CLPB: variants seen among roughly 807,000 people sequenced by gnomAD.
The protein encoded by CLPB is mitochondrial disaggregase.
CLPB carries 40 observed loss-of-function variants against 78.4 expected under a neutral mutation model. That is an observed-to-expected ratio of 0.51 (90% confidence interval 0.40 to 0.66). The LOEUF is 0.66. Among genes scored for constraint, CLPB ranks in the 30% least tolerant of loss-of-function variants. The pLI, the probability that CLPB is intolerant of heterozygous loss-of-function variation, is 0.00. For missense variants in CLPB, 780 were observed against 886.9 expected (o/e 0.88, Z 1.53); for synonymous variants, 333 against 348.0 (o/e 0.96, Z 0.48).
At chr11:72,433,936 A>C in intron 1 of CLPB, 136 bp downstream of exon 1, 1 of 1,090,290 alleles carries the variant, frequency 9.2e-7, no homozygotes, top group Non-Finnish European at 1.3e-6. Flanking sequence ...TGCCCCTGTA[A>C]CCAGATGATG....
At chr11:72,423,842 G>T (rs1056987298) in intron 2 of CLPB, among the ~76,000 whole-genome samples, 1 of 152,152 alleles carries the variant, frequency 6.6e-6, no homozygotes, top group African/African-American at 2.4e-5. Flanking sequence ...GCTTTCTAGG[G>T]TCCAGCCTTA....
At chr11:72,314,811 C>T (rs565439338) in intron 7 of CLPB, among the ~76,000 whole-genome samples, 2 of 151,950 alleles carry the variant, frequency 1.3e-5, no homozygotes, top group East Asian at 1.9e-4. Flanking sequence ...GGCAGGAAAT[C>T]GACAGAGTAT....
Position 72,406,748 on chromosome 11 carries a change from C to T in CLPB, c.456-3696G>A, listed in dbSNP as rs557157446. Among the ~76,000 whole-genome samples the T allele has an allele frequency of 2.0e-5, 3 of 152,320 alleles. No homozygotes were observed. In the South Asian group the frequency reaches 6.2e-4, roughly 32 times the overall value. Reference sequence around the variant, plus strand: ...TTCATTCATTCAGCAAACATGTGCACACACCCACTCTGTGCCCAGCCTCTT... The same window carrying T: ...TTCATTCATTCAGCAAACATGTGCATACACCCACTCTGTGCCCAGCCTCTT... On this transcript the variant is annotated intron_variant, in intron 2 of 15. Coordinates refer to ENST00000538039, the MANE Select transcript of CLPB (RefSeq NM_001258392.3).
intron 5 of CLPB, among the ~76,000 whole-genome samples, chr11:72,335,201 G>A (rs1398900949): frequency 2.6e-5 from 4 of 152,162 alleles, no homozygotes; most frequent in African/African-American, 7.2e-5. Context: ...CATCACCCAG[G>A]GCAAGGTAAA....
chr11:72,295,603 C>A lies in CLPB; in HGVS notation c.1375G>T (p.Ala459Ser). ...ACATTGGAGGTCATGATGAAGATGG[C>A]GTCCTTGCAATCAATGGTCTTCCCT... ...GKGKTIDCKDAIFIMTSNVAS... is the reference protein window; with the variant it reads ...GKGKTIDCKDSIFIMTSNVAS... The change falls in exon 12 of 16, where the codon GCC becomes TCC. Residue 459 changes from alanine to serine, a missense_variant. This residue lies in a region of CLPB where 272 missense variants were observed against 304.0 expected (regional missense o/e 0.89). Coordinates refer to ENST00000538039, the MANE Select transcript of CLPB (RefSeq NM_001258392.3). 3.1e-6 allele frequency: 5 copies of A among 1,614,070 alleles called. No homozygotes were observed. Among genetic ancestry groups the A allele is most frequent in the East Asian group, 2.2e-5 (1 of 44,880 alleles).
chr11:72,336,430 G>A (rs1033843928), intron 5 of CLPB, among the ~76,000 whole-genome samples: 8 of 152,212 alleles, frequency 5.3e-5, no homozygotes, highest in Non-Finnish European at 8.8e-5. Context: ...GTGAGGGGCC[G>A]CCTCTCCCAG....
intron 4 of CLPB, among the ~76,000 whole-genome samples, chr11:72,379,282 T>TA (rs911866689): frequency 1.2e-4 from 18 of 152,142 alleles, no homozygotes; most frequent in African/African-American, 4.3e-4. Context: ...GCATCACTGC[T>TA]AACACTAAAG....
intron 5 of CLPB, chr11:72,337,232 C>T (rs1950338631): frequency 2.5e-6 from 1 of 398,046 alleles, no homozygotes; most frequent in Non-Finnish European, 4.4e-6. Flanking sequence ...CTATAAACCA[C>T]ACCACTGAGC....
intron 9 of CLPB, 121 bp downstream of exon 9, chr11:72,307,078 C>T: frequency 4.6e-6 from 4 of 863,080 alleles, no homozygotes; most frequent in Non-Finnish European, 5.5e-6. Flanking sequence ...GGTCTGCTTC[C>T]TGGGTCAGGG....
At chr11:72,398,736 C>T (rs888868775) in intron 3 of CLPB, among the ~76,000 whole-genome samples, 44 of 152,214 alleles carry the variant, frequency 2.9e-4, no homozygotes, top group African/African-American at 1.1e-3. Flanking sequence ...TGCCTTGTGG[C>T]ATGAGGCTTA....
rs781129096 is a variant in CLPB at position 72,434,246 on chromosome 11, GTCC to G, written c.226_228del (p.Gly76del). On this transcript the variant is annotated inframe_deletion, in exon 1 of 16. Coordinates refer to ENST00000538039, the MANE Select transcript of CLPB (RefSeq NM_001258392.3). Reference sequence around the variant, plus strand: ...GCCGCGAGGCATTTGGTATCGAAGCGTCCTCCCTGGCGCCCCCCGGTGGCTGCC... The same window carrying G: ...GCCGCGAGGCATTTGGTATCGAAGCGTCCCTGGCGCCCCCCGGTGGCTGCC... 1.5e-5 allele frequency: 24 copies of G among 1,613,326 alleles called. 1 individual carries two copies. In the South Asian group the frequency reaches 2.5e-4, roughly 17 times the overall value.
At chr11:72,351,849 GC>G (rs1274185533) in intron 5 of CLPB, among the ~76,000 whole-genome samples, 1 of 152,082 alleles carries the variant, frequency 6.6e-6, no homozygotes, top group Non-Finnish European at 1.5e-5. Context: ...GGGATTACAG[GC>G]AAGAGCCACC....
At chr11:72,376,559 T>C (rs61893855) in intron 4 of CLPB, among the ~76,000 whole-genome samples, 5 of 148,310 alleles carry the variant, frequency 3.4e-5, no homozygotes, top group Admixed American at 6.7e-5. Flanking sequence ...TCTAGAATTA[T>C]TTAAAAAAAA....
chr11:72,419,043 G>T (rs116353110), intron 2 of CLPB, among the ~76,000 whole-genome samples: 2,291 of 152,162 alleles, frequency 0.015, 49 homozygotes, highest in African/African-American at 0.053. Flanking sequence ...ATTTTCTGAG[G>T]TTTTTTCAAA....
chr11:72,320,485 C>T (rs1950025154), intron 6 of CLPB, among the ~76,000 whole-genome samples: 2 of 152,084 alleles, frequency 1.3e-5, no homozygotes, highest in African/African-American at 4.8e-5. Flanking sequence ...AGATTCAAAC[C>T]ATGGCCTAAA....
Position 72,434,176 on chromosome 11 carries a change from C to T in CLPB, c.299G>A (p.Gly100Glu). Residue 100 changes from glycine to glutamate, a missense_variant, in exon 1 of 16, where the codon GGA (glycine) becomes GAA (glutamate). By Grantham distance (98) the Gly-to-Glu change is moderately conservative. This residue lies in a region of CLPB where 417 missense variants were observed against 414.7 expected (regional missense o/e 1.01). Transcript: ENST00000538039. ...RLPGPEETLP[G>E]QDSWNGVPSR... ...GGGGACCCCGTTCCAGCTGTCCTGT[C>T]CTGGGAGTGTTTCTTCGGGACCAGG... is the stretch of plus-strand genomic sequence containing the variant. The T allele has an allele frequency of 1.2e-6, 2 of 1,613,292 alleles. No individual in the cohort carries two copies. Among genetic ancestry groups the T allele is most frequent in the South Asian group, 1.1e-5 (1 of 91,080 alleles).
At chr11:72,394,814 A>T (rs536508696) in intron 3 of CLPB, among the ~76,000 whole-genome samples, 2 of 152,252 alleles carry the variant, frequency 1.3e-5, no homozygotes, top group East Asian at 3.9e-4. Flanking sequence ...CATTCTGGGC[A>T]CTTGGCCAGC....
At chr11:72,300,225 A>AGGAAAC (rs1949630670) in intron 11 of CLPB, among the ~76,000 whole-genome samples, 1 of 152,160 alleles carries the variant, frequency 6.6e-6, no homozygotes, top group Non-Finnish European at 1.5e-5. Flanking sequence ...ACATCTGTTC[A>AGGAAAC]ATGGAGGCCG....
In CLPB at chr11:72,434,509, C is replaced by T. The variant is rs756213265; in HGVS notation, c.-35G>A. On this transcript the variant is annotated 5_prime_UTR_variant, in exon 1 of 16. Transcript: ENST00000538039. Reference sequence around the variant, plus strand: ...TGCTTCGATAACCCCGTGGTGCCGGCCCCTGTGCTGACCACGTCCAACATG... The same window carrying T: ...TGCTTCGATAACCCCGTGGTGCCGGTCCCTGTGCTGACCACGTCCAACATG... 2.0e-6 allele frequency: 3 copies of T among 1,516,328 alleles called. No homozygotes were observed. Among genetic ancestry groups the T allele is most frequent in the Non-Finnish European group, 1.8e-6 (2 of 1,132,252 alleles). 93.9% of individuals were successfully genotyped at this position (1,516,328 alleles called of 1,614,324 possible). A position where few individuals can be genotyped will look rare whatever the true frequency, so the allele number is the denominator to read the frequency against.
Sources: gnomAD v4.1 joint callset for allele counts (sites outside exome capture counted in the v4.1 genomes callset) on GRCh38, gnomAD v4.1.1 for gene constraint, gnomAD v4.1.1 regional missense constraint, MANE v1.5 for transcripts, NCBI Gene and HGNC (gene_info 2026-07-23, HGNC 2026-07-21) for gene names.